GPHN: variants seen among roughly 807,000 people sequenced by gnomAD.
GPHN encodes gephyrin.
A neutral mutation model predicts 95.5 loss-of-function variants in GPHN; 17 were observed. The ratio of observed to expected loss-of-function variants is 0.18; its 90% CI spans 0.12 to 0.27. The LOEUF is 0.27. Among genes scored for constraint, GPHN ranks in the 10% least tolerant of loss-of-function variants. GPHN has a pLI of 1.00. For missense variants in GPHN, 660 were observed against 978.1 expected, an observed-to-expected ratio of 0.67 and a Z score of 4.34; for synonymous variants, 320 against 322.5, an observed-to-expected ratio of 0.99 and a Z score of 0.08.
At chr14:67,115,045 A>G (rs1056341837) in intron 16 of GPHN, among the ~76,000 whole-genome samples, 1 of 152,190 alleles carries the variant, frequency 6.6e-6, no homozygotes, top group East Asian at 1.9e-4. Context: ...CAGACCTGCT[A>G]TACTAAACTA....
chr14:67,122,722 G>A (rs1162554438), intron 17 of GPHN, among the ~76,000 whole-genome samples: 1 of 152,192 alleles, frequency 6.6e-6, no homozygotes. Flanking sequence ...AAAAGCATAG[G>A]TAAGAAGAGA....
the GPHN span, chr14:67,338,593 G>A: frequency 2.5e-6 from 4 of 1,604,330 alleles, no homozygotes; most frequent in Non-Finnish European, 1.7e-6. Context: ...CAGTGTTAGG[G>A]TTTCTCAAAG....
chr14:66,777,191 A>G (rs2059417439), intron 3 of GPHN, among the ~76,000 whole-genome samples: 2 of 152,196 alleles, frequency 1.3e-5, no homozygotes, highest in African/African-American at 4.8e-5. Context: ...AATACTACAA[A>G]CACCTCTACG....
At chr14:67,380,703 G>A in the GPHN span, 14 of 1,584,102 alleles carry the variant, frequency 8.8e-6, no homozygotes, top group Admixed American at 1.3e-4. Flanking sequence ...GAAGATGAAC[G>A]GGAAGTACTC....
the GPHN span, among the ~76,000 whole-genome samples, chr14:67,347,234 C>T: frequency 1.3e-5 from 2 of 152,138 alleles, no homozygotes; most frequent in Admixed American, 6.5e-5. Flanking sequence ...CCATTGTGCC[C>T]GGCCTTAAGA....
At chr14:67,656,422 C>T in the GPHN span, 2 of 1,609,794 alleles carry the variant, frequency 1.2e-6, no homozygotes, top group African/African-American at 1.3e-5. Context: ...TTACTCTACT[C>T]TTGGTACGTT....
chr14:66,967,053 C>A (rs1043916189), intron 9 of GPHN, among the ~76,000 whole-genome samples: 1 of 151,786 alleles, frequency 6.6e-6, no homozygotes, highest in Non-Finnish European at 1.5e-5. Context: ...TTAGTTAACA[C>A]TTAGATGTTC....
intron 17 of GPHN, among the ~76,000 whole-genome samples, chr14:67,130,332 A>T (rs867652876): frequency 6.6e-6 from 1 of 152,010 alleles, no homozygotes; most frequent in Non-Finnish European, 1.5e-5. Context: ...ATGAGTACCC[A>T]GTGTTTAGCT....
the GPHN span, chr14:67,724,729 T>C: frequency 2.7e-6 from 2 of 734,814 alleles, no homozygotes; most frequent in African/African-American, 1.7e-5. Flanking sequence ...GGGATTCAAG[T>C]CCAACTGTGA....
chr14:67,380,562 T>A, the GPHN span: 1 of 541,800 alleles, frequency 1.8e-6, no homozygotes, highest in Non-Finnish European at 3.1e-6. Flanking sequence ...AACTATTATA[T>A]GCTTAACTAT....
At chr14:67,515,435 C>T in the GPHN span, 1 of 184,940 alleles carries the variant, frequency 5.4e-6, no homozygotes, top group Non-Finnish European at 1.1e-5. Flanking sequence ...GCGGCGGCGG[C>T]GGCACTCACC....
At chr14:66,859,438 C>CTATA (rs1490428971) in intron 4 of GPHN, among the ~76,000 whole-genome samples, 1 of 152,240 alleles carries the variant, frequency 6.6e-6, no homozygotes, top group East Asian at 1.9e-4. Context: ...TCTGCAAGAA[C>CTATA]TATAGCATTA....
chr14:66,870,747 G>A (rs184596891), intron 4 of GPHN, among the ~76,000 whole-genome samples: 5 of 152,226 alleles, frequency 3.3e-5, no homozygotes, highest in African/African-American at 1.2e-4. Context: ...TGATTCACAA[G>A]CATTGTAATT....
rs150226537 is a variant in GPHN, at chr14:66,508,553, C to G, written c.26C>G (p.Thr9Ser). The G allele has an allele frequency of 1.1e-3, 1,734 of 1,614,134 alleles. 1 individual carries two copies. The highest frequency in any genetic ancestry group is 5.8e-3 in the Middle Eastern group (35 of 6,062). Residue 9 changes from threonine (T) to serine (S), a missense_variant, in exon 1 of 23, where the codon ACT becomes AGT. Thr to Ser is a moderately conservative substitution (Grantham distance 58, BLOSUM62 1). Coordinates refer to ENST00000478722, the MANE Select transcript of GPHN (RefSeq NM_020806.5). The part of the protein sequence containing the change: MATEGMIL[T>S]NHDHQIRVGV... The stretch of plus-strand genomic sequence containing the variant: ...ATGGCGACCGAGGGAATGATCCTTA[C>G]TAACCACGACCATCAAATCCGTGTC...
chr14:66,768,917 C>CTA (rs199795070), intron 2 of GPHN, among the ~76,000 whole-genome samples: 1 of 151,792 alleles, frequency 6.6e-6, no homozygotes, highest in Non-Finnish European at 1.5e-5. Context: ...GATACGTATA[C>CTA]TATATATATA....
At chr14:67,689,632 T>C in the GPHN span, among the ~76,000 whole-genome samples, 6 of 152,134 alleles carry the variant, frequency 3.9e-5, no homozygotes, top group African/African-American at 1.4e-4. Flanking sequence ...CATTTACATA[T>C]GAAGAAGGAA....
At chr14:67,042,138 CA>C (rs1260673210) in intron 10 of GPHN, among the ~76,000 whole-genome samples, 1 of 151,590 alleles carries the variant, frequency 6.6e-6, no homozygotes, top group African/African-American at 2.4e-5. Context: ...GAGTAGATTG[CA>C]AAAATTTTCT....
chr14:67,605,589 A>C, the GPHN span, among the ~76,000 whole-genome samples: 2 of 152,230 alleles, frequency 1.3e-5, no homozygotes, highest in African/African-American at 4.8e-5. Context: ...TTTATAGAAC[A>C]AAATACATCC....
chr14:66,891,171 T>C (rs190697440), intron 5 of GPHN, among the ~76,000 whole-genome samples: 4 of 152,010 alleles, frequency 2.6e-5, no homozygotes, highest in Admixed American at 2.6e-4. Context: ...ATTATATATG[T>C]AGAAAACCCA....
Sources: gnomAD v4.1 joint callset for allele counts (sites outside exome capture counted in the v4.1 genomes callset) on GRCh38, gnomAD v4.1.1 for gene constraint, MANE v1.5 for transcripts, NCBI Gene and HGNC (gene_info 2026-07-23, HGNC 2026-07-21) for gene names.